SAMSN1: variants seen among roughly 807,000 people sequenced by gnomAD.
SAMSN1 encodes the protein SAM domain-containing protein SAMSN-1.
Under a neutral mutation model 42.0 loss-of-function variants are expected in SAMSN1, and 31 were observed. The observed-to-expected ratio is 0.74, with a 90% CI of 0.55 to 1.00. The LOEUF (loss-of-function observed/expected upper bound fraction) is 1.00. SAMSN1 is among the 50% of genes least tolerant of loss of function. SAMSN1 has a pLI of 0.00. For missense variants in SAMSN1, 464 were observed against 439.4 expected (o/e 1.06, Z -0.50); for synonymous variants, 178 against 151.9 (o/e 1.17, Z -1.26).
At chr21:14,513,906 G>T (rs1348887922) in intron 3 of SAMSN1, among the ~76,000 whole-genome samples, 2 of 152,136 alleles carry the variant, frequency 1.3e-5, no homozygotes, top group African/African-American at 2.4e-5. Flanking sequence ...AAGTAGACTG[G>T]AGCCACATCA....
intron 6 of SAMSN1, among the ~76,000 whole-genome samples, chr21:14,500,132 T>G (rs1024773407): frequency 3.9e-5 from 6 of 152,180 alleles, no homozygotes; most frequent in Admixed American, 3.3e-4. Context: ...TTGATTTTGA[T>G]CTCTGCTTGG....
At chr21:14,649,772 A>AACACAC (rs60905314) in intron 1 of SAMSN1, among the ~76,000 whole-genome samples, 9,407 of 135,284 alleles carry the variant, frequency 0.07, 315 homozygotes, top group Non-Finnish European at 0.08. Flanking sequence ...ACTGTCTCAA[A>AACACAC]ACACACACAC....
At chr21:14,538,223 C>T (rs1234385784) in intron 1 of SAMSN1, among the ~76,000 whole-genome samples, 2 of 152,100 alleles carry the variant, frequency 1.3e-5, no homozygotes, top group African/African-American at 4.8e-5. Flanking sequence ...GTAAATCTAA[C>T]ATATTACCTA....
chr21:14,497,829 C>T (rs1986974472), intron 7 of SAMSN1, among the ~76,000 whole-genome samples: 2 of 152,112 alleles, frequency 1.3e-5, no homozygotes, highest in African/African-American at 4.8e-5. Flanking sequence ...AAAAGCTATC[C>T]TATCTTTACA....
chr21:14,643,192 G>T (rs572048174), intron 1 of SAMSN1: 4 of 702,928 alleles, frequency 5.7e-6, no homozygotes, highest in South Asian at 3.1e-5. Flanking sequence ...CCTTTAAAAG[G>T]TACCTAATTT....
chr21:14,571,365 T>C (rs1381999887), intron 2 of SAMSN1, among the ~76,000 whole-genome samples: 2 of 152,304 alleles, frequency 1.3e-5, no homozygotes, highest in Middle Eastern at 3.4e-3. Context: ...GGGCTTCCAC[T>C]GGGGTTGGGC....
rs373008089 is a variant in SAMSN1, at chr21:14,643,606, G to A, written c.25-473C>T. On this transcript the variant is annotated intron_variant, in intron 1 of 15. Transcript: ENST00000647101. ...TAGCAGTTTCAATGGCAGAGGAGGC[G>A]AAGTAAGATGGCAGAATAGAAAGCT... Among the ~76,000 whole-genome samples the A allele has an allele frequency of 1.5e-4, 23 of 152,252 alleles. No homozygotes were observed. In the East Asian group the frequency reaches 2.9e-3, roughly 19 times the overall value.
intron 2 of SAMSN1, among the ~76,000 whole-genome samples, chr21:14,577,284 ATTTTTT>A (rs58491748): frequency 1.3e-4 from 7 of 53,860 alleles, no homozygotes; most frequent in African/African-American, 5.0e-4. Context: ...ATATATATAT[ATTTTTT>A]TTTTAGAAGA....
chr21:14,503,606 G>A (rs1438208484), intron 5 of SAMSN1, among the ~76,000 whole-genome samples: 1 of 152,132 alleles, frequency 6.6e-6, no homozygotes, highest in Non-Finnish European at 1.5e-5. Flanking sequence ...AGAGTAAGAA[G>A]GGGGAATTCA....
At chr21:14,565,097 C>A (rs986698037) in intron 2 of SAMSN1, among the ~76,000 whole-genome samples, 1 of 151,958 alleles carries the variant, frequency 6.6e-6, no homozygotes, top group Non-Finnish European at 1.5e-5. Context: ...GAGTTCAAGA[C>A]CAGCCTGGCC....
intron 2 of SAMSN1, among the ~76,000 whole-genome samples, chr21:14,553,312 GTCTT>G (rs766888890): frequency 3.3e-5 from 5 of 151,888 alleles, no homozygotes; most frequent in Non-Finnish European, 7.4e-5. Flanking sequence ...ATTAATAACT[GTCTT>G]TCTTTTTATA....
chr21:14,504,864 C>G (rs755698241), intron 5 of SAMSN1, among the ~76,000 whole-genome samples: 1 of 152,132 alleles, frequency 6.6e-6, no homozygotes, highest in Admixed American at 6.5e-5. Context: ...ACCAGGTAAC[C>G]CATAAAGGAA....
At chr21:14,532,099 G>A (rs552773492) in intron 1 of SAMSN1, among the ~76,000 whole-genome samples, 16 of 152,204 alleles carry the variant, frequency 1.1e-4, no homozygotes, top group East Asian at 3.9e-4. Context: ...TAATGTTTCC[G>A]TGAGCTTCCC....
At chr21:14,590,805 A>G (rs1182092595) in intron 7 of SAMSN1, among the ~76,000 whole-genome samples, 1 of 152,188 alleles carries the variant, frequency 6.6e-6, no homozygotes, top group Non-Finnish European at 1.5e-5. Context: ...CTAAATCTAT[A>G]TCTTCATTTC....
In SAMSN1 at chr21:14,630,542, G is replaced by A. The variant is rs144595437; in HGVS notation, c.156+12460C>T. On this transcript the variant is annotated intron_variant, in intron 2 of 15. Coordinates refer to the SAMSN1 transcript ENST00000647101. The stretch of plus-strand genomic sequence containing the variant: ...TATTTTAACATAAGTCTCTATTTAC[G>A]GGACGAAACCAATTAAAACTACCAA... Among the ~76,000 whole-genome samples, 239 of 152,100 alleles carry A rather than the reference G, an allele frequency of 1.6e-3. 1 individual carries two copies. Among genetic ancestry groups the A allele is most frequent in the African/African-American group, 5.5e-3 (228 of 41,518 alleles).
intron 7 of SAMSN1, chr21:14,591,446 G>C (rs867689337): frequency 1.3e-5 from 2 of 152,140 alleles, no homozygotes; most frequent in Admixed American, 6.5e-5. Context: ...ATCTGTTTCT[G>C]TTCCTGTCCC....
At chr21:14,565,443 A>C (rs1056860774) in intron 2 of SAMSN1, among the ~76,000 whole-genome samples, 1 of 152,210 alleles carries the variant, frequency 6.6e-6, no homozygotes, top group Non-Finnish European at 1.5e-5. Context: ...AAACTGCCAC[A>C]ACAAGTCAAT....
At chr21:14,570,210 C>A (rs182173164) in intron 2 of SAMSN1, among the ~76,000 whole-genome samples, 54 of 152,246 alleles carry the variant, frequency 3.5e-4, no homozygotes, top group African/African-American at 1.3e-3. Flanking sequence ...TTCCCGCATT[C>A]TAGAGAGAGA....
intron 5 of SAMSN1, among the ~76,000 whole-genome samples, chr21:14,607,743 C>G (rs1982603052): frequency 6.6e-6 from 1 of 152,036 alleles, no homozygotes; most frequent in African/African-American, 2.4e-5. Flanking sequence ...ATTAACAAAA[C>G]AAAACAAAAA....
Sources: gnomAD v4.1 joint callset for allele counts (sites outside exome capture counted in the v4.1 genomes callset) on GRCh38, gnomAD v4.1.1 for gene constraint, MANE v1.5 for transcripts, NCBI Gene and HGNC (gene_info 2026-07-23, HGNC 2026-07-21) for gene names.